PCDHA2: variants seen among roughly 807,000 people sequenced by gnomAD.
PCDHA2 encodes protocadherin alpha-2.
In PCDHA2, 58 loss-of-function variants were observed where a neutral mutation model predicts 66.0. The observed-to-expected ratio is 0.88, with a 90% CI of 0.71 to 1.09. The LOEUF (loss-of-function observed/expected upper bound fraction) is 1.09. PCDHA2 is among the 50% of genes least tolerant of loss of function. PCDHA2 has a pLI of 0.00. For missense variants in PCDHA2, 1,267 were observed against 1,242.3 expected (o/e 1.02, Z -0.30); for synonymous variants, 634 against 554.0 (o/e 1.14, Z -2.03).
At chr5:140,980,440 G>A (rs1317929590) in intron 2 of PCDHA2, among the ~76,000 whole-genome samples, 1 of 152,144 alleles carries the variant, frequency 6.6e-6, no homozygotes, top group African/African-American at 2.4e-5. Flanking sequence ...GACCATCCTG[G>A]ACAACACGGT....
chr5:140,857,869 G>T (rs782395924), intron 1 of PCDHA2: 3 of 1,597,830 alleles, frequency 1.9e-6, no homozygotes, highest in Admixed American at 1.7e-5. Flanking sequence ...CGTGGCTGTC[G>T]TATGAATTGC....
intron 1 of PCDHA2, chr5:140,848,676 C>T: frequency 6.3e-7 from 1 of 1,592,292 alleles, no homozygotes; most frequent in South Asian, 1.1e-5. Flanking sequence ...GGAGCTGGTG[C>T]CGCGCCTGTT....
chr5:140,979,146 TC>T (rs2096836943), intron 2 of PCDHA2, 139 bp downstream of exon 2: 2 of 1,444,078 alleles, frequency 1.4e-6, no homozygotes, highest in African/African-American at 2.9e-5. Context: ...AATTATTTTG[TC>T]CCCATGTTTA....
chr5:140,919,207 T>C (rs1554198972), intron 1 of PCDHA2, among the ~76,000 whole-genome samples: 1 of 152,222 alleles, frequency 6.6e-6, no homozygotes, highest in Non-Finnish European at 1.5e-5. Context: ...CATTATAAAA[T>C]GTCCTTCTTG....
intron 1 of PCDHA2, chr5:140,834,524 C>G: frequency 6.2e-7 from 1 of 1,614,088 alleles, no homozygotes; most frequent in African/African-American, 1.3e-5. Flanking sequence ...TCGTGGGCCG[C>G]ATCGCGCAGG....
intron 1 of PCDHA2, among the ~76,000 whole-genome samples, chr5:140,806,086 G>GA (rs1447244783): frequency 6.6e-6 from 1 of 152,142 alleles, no homozygotes; most frequent in African/African-American, 2.4e-5. Flanking sequence ...TGTAAAAGAA[G>GA]AAAAAATACC....
chr5:140,826,455 A>G (rs1768943541), intron 1 of PCDHA2, among the ~76,000 whole-genome samples: 1 of 152,202 alleles, frequency 6.6e-6, no homozygotes, highest in African/African-American at 2.4e-5. Context: ...TTTGTGTCAC[A>G]ATCATCTGTG....
rs941007574 is a variant in PCDHA2, at chr5:141,010,090, C to T, written c.*153C>T. 1.9e-6 allele frequency: 3 copies of T among 1,612,518 alleles called. No individual in the cohort carries two copies. Among genetic ancestry groups the T allele is most frequent in the Non-Finnish European group, 2.5e-6 (3 of 1,179,284 alleles). ...AAGTTCCCTGTGTCTGTCTAGAACG[C>T]ATTTAACAGGTTTTGTCGTAAAAGC... is the stretch of plus-strand genomic sequence containing the variant. On this transcript the variant is annotated 3_prime_UTR_variant, in exon 4 of 4. Coordinates refer to ENST00000526136, the MANE Select transcript of PCDHA2 (RefSeq NM_018905.3).
chr5:140,797,091 C>T lies in PCDHA2; in HGVS notation c.2127C>T (p.Ser709=). The T allele has an allele frequency of 6.2e-7, 1 of 1,613,986 alleles. No homozygotes were observed. Among genetic ancestry groups the T allele is most frequent in the Non-Finnish European group, 8.5e-7 (1 of 1,179,976 alleles). ...YLIIAICAVS[S]LLVLTVLLYT... ...TCATCGCCATCTGCGCGGTATCCAG[C>T]CTGTTGGTGCTCACGGTGCTGCTGT... is the stretch of plus-strand genomic sequence containing the variant. The change falls in exon 1 of 4, where the codon AGC becomes AGT. Residue 709 remains serine (S), a synonymous_variant. Coordinates refer to ENST00000526136, the MANE Select transcript of PCDHA2 (RefSeq NM_018905.3).
rs1316774875 is a variant in PCDHA2 at position 140,883,076 on chromosome 5, G to T, written c.2388+85724G>T. The T allele has an allele frequency of 3.1e-6, 5 of 1,614,032 alleles. No homozygotes were observed. Among genetic ancestry groups the T allele is most frequent in the Middle Eastern group, 1.6e-4 (1 of 6,084 alleles). On this transcript the variant is annotated intron_variant, in intron 1 of 3. Transcript: ENST00000526136. ...GATCAAGCTAAATGCCACAGATCCT[G>T]ATGATGGTACAAATGGAGATATAGT...
intron 3 of PCDHA2, among the ~76,000 whole-genome samples, chr5:141,002,901 G>C (rs2098101392): frequency 6.6e-6 from 1 of 152,224 alleles, no homozygotes; most frequent in Admixed American, 6.5e-5. Flanking sequence ...GCAAGATGAA[G>C]AGAAGATCAG....
At chr5:140,927,174 C>G (rs782406584) in intron 1 of PCDHA2, 2 of 1,614,186 alleles carry the variant, frequency 1.2e-6, no homozygotes, top group Non-Finnish European at 8.5e-7. Context: ...CTGCCTGCGT[C>G]TTGACCTACG....
chr5:141,010,226 C>T lies in PCDHA2; in HGVS notation c.*289C>T, dbSNP rs1386050566. ...CGCCGCAAAGGAGAGGCTTCCCAGC[C>T]CCGCCAGTGAGAGGTTGGACTCTCT... On this transcript the variant is annotated 3_prime_UTR_variant, in exon 4 of 4. Transcript: ENST00000526136. 6.4e-7 allele frequency: 1 copy of T among 1,551,824 alleles called. No homozygotes were observed. Among genetic ancestry groups the T allele is most frequent in the Admixed American group, 2.0e-5 (1 of 51,014 alleles).
intron 1 of PCDHA2, chr5:140,869,893 C>T (rs375422597): frequency 6.2e-7 from 1 of 1,610,510 alleles, no homozygotes; most frequent in Admixed American, 1.7e-5. Flanking sequence ...TGTGCTCAAA[C>T]TAAACGCCAC....
At chr5:140,821,368 A>G (rs1554128069) in intron 1 of PCDHA2, among the ~76,000 whole-genome samples, 1 of 152,220 alleles carries the variant, frequency 6.6e-6, no homozygotes, top group African/African-American at 2.4e-5. Flanking sequence ...ATTTTTCTGT[A>G]ATATTTTAAT....
intron 2 of PCDHA2, among the ~76,000 whole-genome samples, chr5:140,979,714 T>G (rs1428916313): frequency 4.6e-5 from 7 of 152,270 alleles, no homozygotes; most frequent in African/African-American, 1.7e-4. Context: ...TGATCCAGTA[T>G]CCATGCCATG....
intron 1 of PCDHA2, among the ~76,000 whole-genome samples, chr5:140,942,875 C>A (rs1003014974): frequency 2.0e-5 from 3 of 151,896 alleles, no homozygotes; most frequent in African/African-American, 7.3e-5. Flanking sequence ...AGCATGACAA[C>A]TTTTTTCCTA....
intron 1 of PCDHA2, chr5:140,869,184 G>C: frequency 6.2e-7 from 1 of 1,613,954 alleles, no homozygotes; most frequent in Non-Finnish European, 8.5e-7. Context: ...GGGAGGTGGG[G>C]AGCGGCCAGC....
chr5:140,814,918 G>A (rs2126660030), intron 1 of PCDHA2: 8 of 152,236 alleles, frequency 5.3e-5, no homozygotes, highest in African/African-American at 1.9e-4. Context: ...CTGGTGAATT[G>A]ACCTTTTATC....
Sources: allele counts gnomAD v4.1 joint callset (sites outside exome capture counted in the v4.1 genomes callset), GRCh38; gene constraint gnomAD v4.1.1; transcripts MANE v1.5; gene names NCBI Gene and HGNC (gene_info 2026-07-23, HGNC 2026-07-21).